RNF150: variants seen among roughly 807,000 people sequenced by gnomAD.
RNF150 encodes ring finger protein 150.
A neutral mutation model predicts 39.3 loss-of-function variants in RNF150; 24 were observed. The ratio of observed to expected loss-of-function variants is 0.61; its 90% CI spans 0.44 to 0.86. The LOEUF is 0.86. RNF150 is among the 40% of genes least tolerant of loss of function. The probability of loss-of-function intolerance (pLI) is 0.00; values close to 1 mark genes in which losing one functional copy is unlikely to be tolerated. For missense variants in RNF150, 502 were observed against 587.8 expected, an observed-to-expected ratio of 0.85 and a Z score of 1.51; for synonymous variants, 255 against 227.3, an observed-to-expected ratio of 1.12 and a Z score of -1.10.
At chr4:140,947,370 C>T (rs552520051) in intron 4 of RNF150, among the ~76,000 whole-genome samples, 69 of 152,256 alleles carry the variant, frequency 4.5e-4, no homozygotes, top group African/African-American at 1.6e-3. Flanking sequence ...TTGTACTTGG[C>T]GGCCACATCA....
chr4:140,886,432 G>T (rs1729580418), intron 6 of RNF150, among the ~76,000 whole-genome samples: 1 of 152,080 alleles, frequency 6.6e-6, no homozygotes, highest in Admixed American at 6.6e-5. Flanking sequence ...CATAAGGCAG[G>T]TCACCCACAT....
At chr4:141,077,249 A>T (rs577666134) in intron 1 of RNF150, among the ~76,000 whole-genome samples, 1 of 152,376 alleles carries the variant, frequency 6.6e-6, no homozygotes, top group South Asian at 2.1e-4. Context: ...AAGTGGAATC[A>T]ACAAATAGTT....
chr4:140,906,855 C>T (rs1350319694), intron 6 of RNF150, among the ~76,000 whole-genome samples: 14 of 152,034 alleles, frequency 9.2e-5, no homozygotes, highest in African/African-American at 1.9e-4. Context: ...AAGTGGGTAA[C>T]GATCTGCAGG....
At chr4:141,015,973 G>C (rs1735256476) in intron 1 of RNF150, among the ~76,000 whole-genome samples, 2 of 152,012 alleles carry the variant, frequency 1.3e-5, no homozygotes, top group Admixed American at 1.3e-4. Flanking sequence ...CTCCTATTCT[G>C]CCATATTGCT....
At chr4:140,933,194 G>A (rs757637699) in intron 4 of RNF150, among the ~76,000 whole-genome samples, 6 of 152,190 alleles carry the variant, frequency 3.9e-5, no homozygotes, top group African/African-American at 1.2e-4. Context: ...TGAATTCAGC[G>A]AAGGGAGAAG....
chr4:141,119,140 A>T (rs969972111), intron 1 of RNF150, among the ~76,000 whole-genome samples: 6 of 152,180 alleles, frequency 3.9e-5, no homozygotes, highest in African/African-American at 1.4e-4. Context: ...TTAACTAATG[A>T]CATTATGGTT....
intron 2 of RNF150, among the ~76,000 whole-genome samples, chr4:140,966,658 C>T (rs1733254911): frequency 6.6e-6 from 1 of 151,970 alleles, no homozygotes; most frequent in Non-Finnish European, 1.5e-5. Flanking sequence ...TACCAAATCA[C>T]TAACAATAAA....
intron 1 of RNF150, among the ~76,000 whole-genome samples, chr4:141,023,561 A>AT (rs11372662): frequency 0.93 from 141,762 of 152,092 alleles, 66,732 homozygotes; most frequent in Non-Finnish European, 1. Context: ...GCTGAAATTA[A>AT]TTTTTTATAT....
intron 1 of RNF150, among the ~76,000 whole-genome samples, chr4:140,999,758 A>C: frequency 6.6e-6 from 1 of 151,810 alleles, no homozygotes. Context: ...AACATGGTGA[A>C]ACCCCATCTC....
At chr4:140,872,913 T>C (rs1384692813) in intron 6 of RNF150, among the ~76,000 whole-genome samples, 1 of 152,180 alleles carries the variant, frequency 6.6e-6, no homozygotes, top group East Asian at 1.9e-4. Context: ...TTGGAAGTCT[T>C]CAGTACAGAG....
At chr4:141,209,122 C>T (rs958957976) in intron 1 of RNF150, among the ~76,000 whole-genome samples, 1 of 151,994 alleles carries the variant, frequency 6.6e-6, no homozygotes, top group African/African-American at 2.4e-5. Context: ...ACTAAAGGGC[C>T]TTGCATTCTT....
At chr4:141,127,363 A>G (rs144733788) in intron 1 of RNF150, among the ~76,000 whole-genome samples, 1,975 of 152,322 alleles carry the variant, frequency 0.013, 26 homozygotes, top group Non-Finnish European at 0.018. Context: ...TAAAAGAGAG[A>G]GCTAATCTTA....
chr4:141,111,477 C>T (rs1006191176), intron 1 of RNF150, among the ~76,000 whole-genome samples: 1 of 152,072 alleles, frequency 6.6e-6, no homozygotes, highest in African/African-American at 2.4e-5. Context: ...AATGTATAAG[C>T]TTGCATTGCG....
intron 1 of RNF150, among the ~76,000 whole-genome samples, chr4:140,971,017 C>A (rs912326881): frequency 6.6e-6 from 1 of 151,556 alleles, no homozygotes; most frequent in African/African-American, 2.4e-5. Flanking sequence ...TCTAGGGTGT[C>A]CAAAAAAAGA....
intron 1 of RNF150, among the ~76,000 whole-genome samples, chr4:140,999,970 AAGAAG>A (rs1233347911): frequency 8.4e-5 from 2 of 23,800 alleles, no homozygotes; most frequent in African/African-American, 1.6e-4. Flanking sequence ...GAAGAAGAAG[AAGAAG>A]AAAAGAAGAA....
intron 1 of RNF150, among the ~76,000 whole-genome samples, chr4:141,090,974 C>T (rs137961580): frequency 3.9e-5 from 6 of 152,290 alleles, no homozygotes; most frequent in African/African-American, 1.4e-4. Context: ...TTTCAGATGG[C>T]AAGGGCTGAA....
At chr4:140,970,414 G>A (rs549352612) in intron 1 of RNF150, among the ~76,000 whole-genome samples, 13 of 152,136 alleles carry the variant, frequency 8.5e-5, no homozygotes, top group African/African-American at 3.1e-4. Flanking sequence ...TGTTTTAGTT[G>A]TATAGCTTTT....
chr4:140,960,572 C>T (rs1732981421), intron 2 of RNF150, among the ~76,000 whole-genome samples: 1 of 152,120 alleles, frequency 6.6e-6, no homozygotes, highest in Non-Finnish European at 1.5e-5. Flanking sequence ...TACCCCTGCC[C>T]TCTAGGGAGG....
At chr4:140,898,961 G>T (rs1443170785) in intron 6 of RNF150, among the ~76,000 whole-genome samples, 1 of 152,102 alleles carries the variant, frequency 6.6e-6, no homozygotes, top group African/African-American at 2.4e-5. Flanking sequence ...AATTTTGATG[G>T]AACTCTGGTC....
Sources: gnomAD v4.1 joint callset for allele counts (sites outside exome capture counted in the v4.1 genomes callset) on GRCh38, gnomAD v4.1.1 for gene constraint, MANE v1.5 for transcripts, NCBI Gene and HGNC (gene_info 2026-07-23, HGNC 2026-07-21) for gene names.